Variants in FGF14 observed in about 807,000 individuals in gnomAD.
The protein encoded by FGF14 is fibroblast growth factor homologous factor 4.
A neutral mutation model predicts 25.5 loss-of-function variants in FGF14; 5 were observed. That is an observed-to-expected ratio of 0.20 (90% CI 0.10 to 0.41). The LOEUF is 0.41. FGF14 is among the 10% of genes least tolerant of loss of function. The pLI is 1.00. For missense variants in FGF14, 222 were observed against 320.1 expected, an observed-to-expected ratio of 0.69 and a Z score of 2.34; for synonymous variants, 138 against 118.3, an observed-to-expected ratio of 1.17 and a Z score of -1.08.
chr13:102,135,176 C>T (rs1245509493), intron 1 of FGF14, among the ~76,000 whole-genome samples: 1 of 152,130 alleles, frequency 6.6e-6, no homozygotes, highest in Non-Finnish European at 1.5e-5. Flanking sequence ...CCATCGCACT[C>T]CAGCCTGGGT....
rs368573449 is a variant in FGF14 at position 102,322,196 on chromosome 13, G to C, written c.208+79275C>G. ...TCTAAATGTCATGCTAAGATGTACA[G>C]GGTATTGCCATGAACTTCTTGAGCA... On this transcript the variant is annotated intron_variant, in intron 1 of 4. Transcript: ENST00000376131. Among the ~76,000 whole-genome samples the C allele has an allele frequency of 1.6e-4, 24 of 152,198 alleles. 1 individual carries two copies. The highest frequency in any genetic ancestry group is 5.9e-5 in the Non-Finnish European group (4 of 68,034).
intron 1 of FGF14, among the ~76,000 whole-genome samples, chr13:102,340,246 T>C (rs2056908916): frequency 6.6e-6 from 1 of 152,178 alleles, no homozygotes; most frequent in Non-Finnish European, 1.5e-5. Flanking sequence ...TCTTTTGCCA[T>C]TTTGGCGAAT....
At chr13:101,794,531 G>C (rs1285982059) in intron 3 of FGF14, among the ~76,000 whole-genome samples, 1 of 151,870 alleles carries the variant, frequency 6.6e-6, no homozygotes, top group African/African-American at 2.4e-5. Context: ...TCACAGACAG[G>C]GCTTCTCTGC....
intron 1 of FGF14, among the ~76,000 whole-genome samples, chr13:102,241,695 C>T (rs1211931050): frequency 6.6e-6 from 1 of 152,064 alleles, no homozygotes; most frequent in Non-Finnish European, 1.5e-5. Context: ...TAGCAGCCAG[C>T]CTATCCTTCC....
chr13:101,894,785 T>C lies in FGF14; in HGVS notation c.194-19489A>G, dbSNP rs531903796. ...GGAAGGTGAGGAGAAATCTACTTAG[T>C]AGCAATGGTGTCAGTAATTGAAACT... On this transcript the variant is annotated intron_variant, in intron 1 of 4. Transcript: ENST00000376143. Among the ~76,000 whole-genome samples the C allele has an allele frequency of 7.2e-5, 11 of 152,308 alleles. No homozygotes were observed. The South Asian group carries it at 2.3e-3, about 32-fold the overall frequency.
intron 1 of FGF14, among the ~76,000 whole-genome samples, chr13:102,334,263 C>G (rs184118230): frequency 6.6e-5 from 10 of 152,248 alleles, no homozygotes; most frequent in African/African-American, 1.9e-4. Flanking sequence ...ATTTGAACAT[C>G]TGTGGTTTAG....
intron 1 of FGF14, among the ~76,000 whole-genome samples, chr13:102,315,331 G>A (rs2055969322): frequency 6.6e-6 from 1 of 152,134 alleles, no homozygotes; most frequent in South Asian, 2.1e-4. Context: ...GTGCCTCCCA[G>A]CCTGCACCCC....
intron 1 of FGF14, among the ~76,000 whole-genome samples, chr13:102,161,593 AAG>A (rs752356897): frequency 0.076 from 287 of 3,776 alleles, 20 homozygotes; most frequent in African/African-American, 0.077. Flanking sequence ...GAAGAAGAAG[AAG>A]AAGAAGAAGA....
chr13:102,140,763 T>C (rs1474056293), intron 1 of FGF14, among the ~76,000 whole-genome samples: 5 of 152,196 alleles, frequency 3.3e-5, no homozygotes, highest in African/African-American at 1.2e-4. Flanking sequence ...GTACTCAATC[T>C]ATAAACTGGG....
At chr13:102,377,270 T>C (rs2058062860) in intron 1 of FGF14, among the ~76,000 whole-genome samples, 1 of 152,144 alleles carries the variant, frequency 6.6e-6, no homozygotes, top group African/African-American at 2.4e-5. Flanking sequence ...TTTGCTTTAA[T>C]ATGTGCTTTG....
intron 1 of FGF14, among the ~76,000 whole-genome samples, chr13:101,912,715 A>T (rs192233476): frequency 1.5e-3 from 222 of 152,188 alleles, no homozygotes; most frequent in Non-Finnish European, 2.5e-3. Flanking sequence ...TAATTCTCTT[A>T]AAAAAAGATA....
intron 1 of FGF14, among the ~76,000 whole-genome samples, chr13:102,092,780 T>C (rs1012787256): frequency 2.6e-5 from 4 of 152,076 alleles, no homozygotes; most frequent in Non-Finnish European, 4.4e-5. Context: ...CAATTATCAG[T>C]CTAGTTACCC....
chr13:101,849,977 A>AT (rs1193182652), intron 3 of FGF14, among the ~76,000 whole-genome samples: 1 of 152,002 alleles, frequency 6.6e-6, no homozygotes, highest in Non-Finnish European at 1.5e-5. Flanking sequence ...ACAAGTTAGA[A>AT]TTTTTTATAA....
intron 1 of FGF14, among the ~76,000 whole-genome samples, chr13:102,312,155 T>C (rs946166721): frequency 6.6e-6 from 1 of 151,750 alleles, no homozygotes; most frequent in East Asian, 1.9e-4. Context: ...GAAACCATTA[T>C]TGTCCTCTCT....
intron 3 of FGF14, among the ~76,000 whole-genome samples, chr13:101,848,885 T>A (rs992112436): frequency 1.3e-5 from 2 of 152,004 alleles, no homozygotes; most frequent in Non-Finnish European, 2.9e-5. Flanking sequence ...AAGAAACTCA[T>A]ACAAAAAAAA....
At chr13:101,730,887 A>AT (rs951707975) in intron 3 of FGF14, among the ~76,000 whole-genome samples, 7 of 152,156 alleles carry the variant, frequency 4.6e-5, no homozygotes, top group South Asian at 2.1e-4. Flanking sequence ...AGAAGCAATG[A>AT]TTTTTTTAAA....
chr13:102,093,731 T>A (rs186290874), intron 1 of FGF14, among the ~76,000 whole-genome samples: 14 of 152,034 alleles, frequency 9.2e-5, no homozygotes, highest in Admixed American at 3.3e-4. Context: ...AACAGTTAAA[T>A]TGCTTGGTAT....
chr13:102,359,626 C>T (rs1334785493), intron 1 of FGF14, among the ~76,000 whole-genome samples: 1 of 152,076 alleles, frequency 6.6e-6, no homozygotes, highest in African/African-American at 2.4e-5. Context: ...TGAAGATGTA[C>T]AGTGGTTTAG....
rs147233754 is a variant in FGF14, at chr13:102,304,485, C to T, written c.208+96986G>A. Among the ~76,000 whole-genome samples the T allele has an allele frequency of 1.2e-3, 181 of 152,278 alleles. 2 individuals are homozygous for T. The highest frequency in any genetic ancestry group is 4.1e-3 in the African/African-American group (169 of 41,570). On this transcript the variant is annotated intron_variant, in intron 1 of 4. Coordinates refer to the FGF14 transcript ENST00000376131. ...TTTTGCAGAATCACCATTACTCAGT[C>T]AGATAGGCTTAAGAAGTAAGAAAAA...
Sources: gnomAD v4.1 joint callset for allele counts (sites outside exome capture counted in the v4.1 genomes callset) on GRCh38, gnomAD v4.1.1 for gene constraint, MANE v1.5 for transcripts, NCBI Gene and HGNC (gene_info 2026-07-23, HGNC 2026-07-21) for gene names.